The following SOBP variants were observed in gnomAD, a reference collection of about 807,000 sequenced individuals.
SOBP encodes the protein sine oculis-binding protein homolog.
In SOBP, 4 loss-of-function variants were observed where a neutral mutation model predicts 53.6. That is an observed-to-expected ratio of 0.07 (90% CI 0.04 to 0.17). The LOEUF is 0.17. Ranked by LOEUF, SOBP falls within the 10% of genes least tolerant of loss-of-function variation. The probability of loss-of-function intolerance (pLI) is 1.00; values close to 1 mark genes in which losing one functional copy is unlikely to be tolerated. For synonymous variants in SOBP, 584 were observed against 522.6 expected (o/e 1.12, Z -1.60); for missense variants, 1,088 against 1,204.7 (o/e 0.90, Z 1.43).
intron 6 of SOBP, chr6:107,636,328 G>C (rs958799552): frequency 7.2e-5 from 11 of 152,252 alleles, no homozygotes; most frequent in African/African-American, 2.7e-4. Context: ...CAAGTGAGCC[G>C]CCAAGAGTGA....
intron 4 of SOBP, among the ~76,000 whole-genome samples, chr6:107,553,605 C>A (rs1262099723): frequency 2.6e-5 from 4 of 152,080 alleles, no homozygotes; most frequent in African/African-American, 9.7e-5. Flanking sequence ...TCTGCCTCAG[C>A]CTCCCAAGTA....
intron 5 of SOBP, among the ~76,000 whole-genome samples, chr6:107,594,946 A>G (rs760308092): frequency 6.6e-6 from 1 of 152,234 alleles, no homozygotes; most frequent in Non-Finnish European, 1.5e-5. Flanking sequence ...AGGCCAACAC[A>G]TGCCGCTGCC....
At chr6:107,622,595 C>G (rs886922333) in intron 5 of SOBP, among the ~76,000 whole-genome samples, 19 of 152,204 alleles carry the variant, frequency 1.2e-4, no homozygotes, top group African/African-American at 4.1e-4. Flanking sequence ...AAAACAGTCT[C>G]AGAGATCCCA....
At chr6:107,655,403 G>T (rs971292221) in intron 6 of SOBP, among the ~76,000 whole-genome samples, 1 of 152,032 alleles carries the variant, frequency 6.6e-6, no homozygotes, top group South Asian at 2.1e-4. Context: ...CTTCAATACC[G>T]CCCCCTCCTC....
chr6:107,608,320 A>G (rs1168826780), intron 5 of SOBP, among the ~76,000 whole-genome samples: 1 of 152,128 alleles, frequency 6.6e-6, no homozygotes, highest in African/African-American at 2.4e-5. Flanking sequence ...GGGCATGATG[A>G]ATGAGATGAA....
intron 6 of SOBP, among the ~76,000 whole-genome samples, chr6:107,639,331 G>A (rs538222388): frequency 1.3e-5 from 2 of 152,090 alleles, no homozygotes; most frequent in East Asian, 1.9e-4. Context: ...TAAATTATAG[G>A]GTTTTTTTTT....
chr6:107,503,193 G>A (rs922336236), intron 1 of SOBP, among the ~76,000 whole-genome samples: 6 of 152,172 alleles, frequency 3.9e-5, no homozygotes, highest in Admixed American at 1.3e-4. Flanking sequence ...GGCGTTATCC[G>A]CGATAAGAGT....
chr6:107,507,752 G>A (rs1000778346), intron 3 of SOBP, among the ~76,000 whole-genome samples: 8 of 152,126 alleles, frequency 5.3e-5, no homozygotes. Flanking sequence ...CTCCAACAGA[G>A]TGTTTTCTAA....
chr6:107,617,409 C>G (rs1438661248), intron 5 of SOBP, among the ~76,000 whole-genome samples: 4 of 152,094 alleles, frequency 2.6e-5, no homozygotes, highest in African/African-American at 9.7e-5. Flanking sequence ...CTCTAAAAGG[C>G]AGGGTAATTA....
At position 107,587,159 on chromosome 6, in the gene SOBP, A is replaced by G. The variant is rs1361312030; in HGVS notation, c.653A>G (p.Asn218Ser). ...AKETPRLAFK[N>S]NCELLVCDWC... Reference sequence around the variant, plus strand: ...GAAACTCCAAGGCTTGCCTTCAAGAATAACTGCGAACTACTTGTAAGAATA... The same window carrying G: ...GAAACTCCAAGGCTTGCCTTCAAGAGTAACTGCGAACTACTTGTAAGAATA... Residue 218 changes from asparagine (N) to serine (S), a missense_variant, in exon 5 of 7, where the codon AAT becomes AGT. By Grantham distance (46) the Asn-to-Ser change is conservative. Transcript: ENST00000317357. The G allele has an allele frequency of 1.9e-6, 3 of 1,613,422 alleles. No homozygotes were observed. The South Asian group carries it at 3.3e-5, about 18-fold the overall frequency.
intron 6 of SOBP, among the ~76,000 whole-genome samples, chr6:107,641,692 A>G (rs1213063542): frequency 6.6e-6 from 1 of 152,196 alleles, no homozygotes; most frequent in Non-Finnish European, 1.5e-5. Flanking sequence ...ACTGGTTTCC[A>G]ATGAGTCACT....
intron 3 of SOBP, 105 bp from the exon 4 acceptor site, chr6:107,533,354 G>A: frequency 9.3e-7 from 1 of 1,071,728 alleles, no homozygotes; most frequent in South Asian, 1.3e-5. Context: ...CCAAGGTCCA[G>A]AAACTAAAAT....
rs184750002 is a variant in SOBP at position 107,616,402 on chromosome 6, A to G, written c.670-17112A>G. Among the ~76,000 whole-genome samples, 474 of 152,334 alleles carry G rather than the reference A, an allele frequency of 3.1e-3. 3 individuals are homozygous for G. Among genetic ancestry groups the G allele is most frequent in the Non-Finnish European group, 4.0e-3 (272 of 68,030 alleles). ...GTATTTTGCATATGCCATTGATAGC[A>G]CTGAAAAGTAAAACAATAGAACAAG... is the stretch of plus-strand genomic sequence containing the variant. On this transcript the variant is annotated intron_variant, in intron 5 of 6. Transcript: ENST00000317357.
intron 2 of SOBP, 92 bp from the exon 3 acceptor site, chr6:107,506,150 C>T: frequency 9.3e-7 from 1 of 1,069,710 alleles, no homozygotes; most frequent in Non-Finnish European, 1.4e-6. Context: ...ATGTTGGGTT[C>T]ATGGCCATTT....
chr6:107,549,348 C>T (rs367858491), intron 4 of SOBP, among the ~76,000 whole-genome samples: 9 of 151,802 alleles, frequency 5.9e-5, no homozygotes, highest in African/African-American at 2.2e-4. Context: ...ACTCCCAAGC[C>T]CTATACTGGG....
intron 3 of SOBP, among the ~76,000 whole-genome samples, chr6:107,515,708 C>T (rs906744184): frequency 3.9e-5 from 6 of 152,136 alleles, no homozygotes; most frequent in Non-Finnish European, 8.8e-5. Flanking sequence ...AAGATTACAC[C>T]AGTGCACTCC....
At chr6:107,544,569 AGT>A (rs1784242248) in intron 4 of SOBP, among the ~76,000 whole-genome samples, 1 of 152,222 alleles carries the variant, frequency 6.6e-6, no homozygotes, top group Non-Finnish European at 1.5e-5. Flanking sequence ...TCCCTGAGTA[AGT>A]GGGGCTAGCA....
chr6:107,491,694 C>A (rs1191199493), intron 1 of SOBP, among the ~76,000 whole-genome samples: 1 of 152,150 alleles, frequency 6.6e-6, no homozygotes, highest in African/African-American at 2.4e-5. Flanking sequence ...TTTCTGCGAG[C>A]CATCAAAAAG....
chr6:107,603,636 ACTTTGGGG>A (rs1786264780), intron 5 of SOBP, among the ~76,000 whole-genome samples: 1 of 152,144 alleles, frequency 6.6e-6, no homozygotes, highest in Non-Finnish European at 1.5e-5. Context: ...CCCAAAAAGT[ACTTTGGGG>A]GCATGAAGGA....
Sources: gnomAD v4.1 joint callset for allele counts (sites outside exome capture counted in the v4.1 genomes callset) on GRCh38, gnomAD v4.1.1 for gene constraint, MANE v1.5 for transcripts, NCBI Gene and HGNC (gene_info 2026-07-23, HGNC 2026-07-21) for gene names.